LRFN5: variants seen among roughly 807,000 people sequenced by gnomAD.
LRFN5 encodes the protein leucine rich repeat and fibronectin type III domain containing 5, also known as leucine-rich repeat and fibronectin type-III domain-containing protein 5.
A neutral mutation model predicts 45.6 loss-of-function variants in LRFN5; 24 were observed. The observed-to-expected ratio is 0.53, with a 90% confidence interval of 0.38 to 0.74. The LOEUF is 0.74. Ranked by LOEUF, LRFN5 falls within the 30% of genes least tolerant of loss-of-function variation. The pLI is 0.00. For synonymous variants in LRFN5, 340 were observed against 313.8 expected (o/e 1.08, Z -0.88); for missense variants, 776 against 861.5 (o/e 0.90, Z 1.24).
intron 1 of LRFN5, among the ~76,000 whole-genome samples, chr14:41,686,719 A>G (rs1594616011): frequency 6.6e-6 from 1 of 152,164 alleles, no homozygotes; most frequent in Non-Finnish European, 1.5e-5. Flanking sequence ...CGAGATAATA[A>G]TGTGATTTTT....
intron 1 of LRFN5, among the ~76,000 whole-genome samples, chr14:41,734,024 C>CTTTTTTTTTTTTTTT (rs1241948731): frequency 8.7e-6 from 1 of 115,538 alleles, no homozygotes; most frequent in African/African-American, 3.8e-5. Context: ...CTTTTCTTTT[C>CTTTTTTTTTTTTTTT]TTTTCTTTTT....
intron 1 of LRFN5, among the ~76,000 whole-genome samples, chr14:41,627,411 C>G (rs1037340826): frequency 3.9e-5 from 6 of 152,064 alleles, no homozygotes; most frequent in African/African-American, 9.7e-5. Context: ...CCCCAAGGGC[C>G]TTTTTCTTAA....
intron 4 of LRFN5, among the ~76,000 whole-genome samples, chr14:41,897,624 A>G (rs1890983088): frequency 6.6e-6 from 1 of 152,124 alleles, no homozygotes; most frequent in African/African-American, 2.4e-5. Flanking sequence ...TGGCTGTCAG[A>G]GAACTCCCAG....
At chr14:41,837,132 G>C (rs888536966) in intron 2 of LRFN5, among the ~76,000 whole-genome samples, 35 of 145,880 alleles carry the variant, frequency 2.4e-4, no homozygotes, top group African/African-American at 8.2e-4. Context: ...TCCCAAATCA[G>C]CGGACTGAGA....
chr14:41,833,307 G>A (rs775961950), intron 2 of LRFN5, among the ~76,000 whole-genome samples: 2 of 152,168 alleles, frequency 1.3e-5, no homozygotes, highest in Non-Finnish European at 2.9e-5. Context: ...CTCTGCTGAG[G>A]TGGCTATGTG....
chr14:41,883,009 C>T (rs949044658), intron 2 of LRFN5, among the ~76,000 whole-genome samples: 1 of 151,804 alleles, frequency 6.6e-6, no homozygotes, highest in Non-Finnish European at 1.5e-5. Flanking sequence ...CCACCACAGC[C>T]GGCTAATTTT....
At chr14:41,662,784 T>G (rs732846) in intron 1 of LRFN5, among the ~76,000 whole-genome samples, 24,799 of 152,042 alleles carry the variant, frequency 0.16, 2,345 homozygotes, top group East Asian at 0.45. Flanking sequence ...CACTTCTGCT[T>G]TCTAAATTTT....
chr14:41,897,123 A>AATAC (rs1890966794), intron 4 of LRFN5, among the ~76,000 whole-genome samples: 1 of 149,156 alleles, frequency 6.7e-6, no homozygotes, highest in Non-Finnish European at 1.5e-5. Flanking sequence ...TAAATAAATA[A>AATAC]ATAAATAAAT....
At chr14:41,611,428 C>T (rs75857766) in intron 1 of LRFN5, among the ~76,000 whole-genome samples, 6,071 of 152,230 alleles carry the variant, frequency 0.04, 378 homozygotes, top group East Asian at 0.27. Flanking sequence ...TGGCCTGGCT[C>T]ACTAGCCTGG....
At position 41,783,663 on chromosome 14, in the gene LRFN5, A is replaced by G. The variant is rs546615813; in HGVS notation, c.-21+16634A>G. 5.3e-5 allele frequency among the ~76,000 whole-genome samples: 8 copies of G among 152,168 alleles called. No homozygotes were observed. The South Asian group carries it at 1.2e-3, about 24-fold the overall frequency. On this transcript the variant is annotated intron_variant, in intron 2 of 5. Transcript: ENST00000298119. ...TGTCTGTTTAGATATTCTTTGTAGT[A>G]CAGTACCTCTTTAAGACTTCTTGCC... is the stretch of plus-strand genomic sequence containing the variant.
chr14:41,855,544 A>C (rs1012044553), intron 2 of LRFN5, among the ~76,000 whole-genome samples: 2 of 152,152 alleles, frequency 1.3e-5, no homozygotes, highest in Non-Finnish European at 2.9e-5. Context: ...AGAATGTCGT[A>C]GGTACTGGGG....
At chr14:41,835,683 G>A (rs966667282) in intron 2 of LRFN5, among the ~76,000 whole-genome samples, 30 of 152,130 alleles carry the variant, frequency 2.0e-4, no homozygotes, top group African/African-American at 2.4e-5. Context: ...CCACGGTCAC[G>A]CTACTGCACT....
intron 2 of LRFN5, among the ~76,000 whole-genome samples, chr14:41,886,150 G>T (rs1239276435): frequency 6.6e-6 from 1 of 151,064 alleles, no homozygotes; most frequent in Admixed American, 6.6e-5. Flanking sequence ...GTATTTTATT[G>T]TTTCTGTTTA....
chr14:41,851,889 G>A (rs997224372), intron 2 of LRFN5, among the ~76,000 whole-genome samples: 3 of 151,478 alleles, frequency 2.0e-5, no homozygotes, highest in African/African-American at 7.3e-5. Flanking sequence ...TCAGAAATTA[G>A]GCCGTTTTAT....
chr14:41,872,928 A>G lies in LRFN5; in HGVS notation c.-20-13678A>G, dbSNP rs929052074. Among the ~76,000 whole-genome samples the G allele has an allele frequency of 4.5e-4, 68 of 152,354 alleles. 1 individual carries two copies. Among genetic ancestry groups the G allele is most frequent in the African/African-American group, 1.1e-3 (45 of 41,574 alleles). ...TAGATTTGCATACACAAAAGTATAT[A>G]TGATAGTTTATTCTGTTTTTTCACT... On this transcript the variant is annotated intron_variant, in intron 2 of 5. Transcript: ENST00000298119.
intron 2 of LRFN5, among the ~76,000 whole-genome samples, chr14:41,862,440 T>C (rs1295264346): frequency 6.6e-6 from 1 of 152,248 alleles, no homozygotes; most frequent in African/African-American, 2.4e-5. Context: ...ATTGTTCAAT[T>C]ATATTAATTC....
intron 3 of LRFN5, among the ~76,000 whole-genome samples, chr14:41,890,483 G>A (rs888116821): frequency 2.6e-5 from 4 of 151,490 alleles, no homozygotes; most frequent in Non-Finnish European, 5.9e-5. Flanking sequence ...AGAGGCGGGC[G>A]GATCATGAGG....
At chr14:41,673,042 T>G (rs932140240) in intron 1 of LRFN5, among the ~76,000 whole-genome samples, 1 of 152,094 alleles carries the variant, frequency 6.6e-6, no homozygotes, top group Non-Finnish European at 1.5e-5. Context: ...ATTTATTTAT[T>G]TATTTATTTT....
rs1270933121 is a variant in LRFN5, at chr14:41,884,342, C to A, written c.-20-2264C>A. Among the ~76,000 whole-genome samples, 4 of 152,058 alleles carry A rather than the reference C, an allele frequency of 2.6e-5. No homozygotes were observed. In the East Asian group the frequency reaches 5.8e-4, roughly 22 times the overall value. ...TTATTTTGGAAAGGCTAGTTTAATACCAGTTAGTAATGAACAGAAGATTCT... is the reference window on the plus strand; with the variant it reads ...TTATTTTGGAAAGGCTAGTTTAATAACAGTTAGTAATGAACAGAAGATTCT... On this transcript the variant is annotated intron_variant, in intron 2 of 5. Transcript: ENST00000298119.
Sources: gnomAD v4.1 joint callset for allele counts (sites outside exome capture counted in the v4.1 genomes callset) on GRCh38, gnomAD v4.1.1 for gene constraint, MANE v1.5 for transcripts, NCBI Gene and HGNC (gene_info 2026-07-23, HGNC 2026-07-21) for gene names.